Variants in NLRP3 observed in about 807,000 individuals in gnomAD.
NLRP3 encodes the protein NLR family pyrin domain containing 3.
Under a neutral mutation model 91.3 loss-of-function variants are expected in NLRP3, and 48 were observed. That is an observed-to-expected ratio of 0.53 (90% CI 0.42 to 0.67). NLRP3 has a LOEUF of 0.67. NLRP3 is among the 30% of genes least tolerant of loss of function. The pLI is 0.00. For missense variants in NLRP3, 982 were observed against 1,276.9 expected (o/e 0.77, Z 3.52); for synonymous variants, 561 against 507.9 (o/e 1.10, Z -1.41).
chr1:247,444,493 T>G (rs1664463584), intron 8 of NLRP3, among the ~76,000 whole-genome samples, 158 bp from the exon 9 acceptor site: 1 of 151,552 alleles, frequency 6.6e-6, no homozygotes, highest in Non-Finnish European at 1.5e-5. Context: ...GAGAGAAGAA[T>G]AATTACCAGC....
intron 6 of NLRP3, among the ~76,000 whole-genome samples, chr1:247,435,194 G>T (rs1014877907): frequency 8.5e-5 from 13 of 152,164 alleles, no homozygotes; most frequent in Admixed American, 7.8e-4. Flanking sequence ...GGGTTGCAGT[G>T]AGTCAAGATC....
At chr1:247,439,501 CTGTG>C (rs543757998) in intron 7 of NLRP3, among the ~76,000 whole-genome samples, 1 of 152,164 alleles carries the variant, frequency 6.6e-6, no homozygotes, top group African/African-American at 2.4e-5. Context: ...TTCCCTGTGT[CTGTG>C]TGTGTCTTTC....
At position 247,424,430 on chromosome 1, in the gene NLRP3, C is replaced by T. The variant is rs200940726; in HGVS notation, c.981C>T (p.Asp327=). 3 of 1,614,190 alleles carry T rather than the reference C, an allele frequency of 1.9e-6. No individual in the cohort carries two copies. Among genetic ancestry groups the T allele is most frequent in the East Asian group, 2.2e-5 (1 of 44,888 alleles). ...ACTGGCAGAAGGCCGAGCGGGGAGA[C>T]ATTCTCCTGAGCAGCCTCATCAGAA... ...CTDWQKAERG[D]ILLSSLIRKK... is the part of the protein sequence containing the mutation. Residue 327 remains aspartate (D), a synonymous_variant, in exon 4 of 10, where the codon GAC becomes GAT. Coordinates refer to ENST00000336119, the MANE Select transcript of NLRP3 (RefSeq NM_001243133.2). This position sits in a 1 kb window ranked among gnomAD's most constrained non-coding sequence, Gnocchi z 8.1.
At chr1:247,443,283 G>GTGGCAGCGCAATCA (rs981174264) in intron 7 of NLRP3, among the ~76,000 whole-genome samples, 3 of 152,150 alleles carry the variant, frequency 2.0e-5, no homozygotes, top group African/African-American at 7.2e-5. Flanking sequence ...AGGCTAGAGT[G>GTGGCAGCGCAATCA]TGGCAGCGCA....
chr1:247,446,428 C>T (rs1409734509), intron 9 of NLRP3, among the ~76,000 whole-genome samples: 1 of 152,242 alleles, frequency 6.6e-6, no homozygotes, highest in African/African-American at 2.4e-5. Context: ...CCATGCCCCA[C>T]ATAATCCAGC....
chr1:247,429,624 C>A lies in NLRP3; in HGVS notation c.2190C>A (p.Gly730=). ...NSHLTSSFCR[G]LFSVLSTSQS... The stretch of plus-strand genomic sequence containing the variant: ...ACCTCACTTCCAGTTTTTGCCGGGG[C>A]CTCTTTTCAGTTCTGAGCACCAGCC... The change falls in exon 5 of 10, where the codon GGC becomes GGA. Residue 730 remains glycine (G), a synonymous_variant. Coordinates refer to ENST00000336119, the MANE Select transcript of NLRP3 (RefSeq NM_001243133.2). 6.2e-7 allele frequency: 1 copy of A among 1,614,070 alleles called. No individual in the cohort carries two copies. Among genetic ancestry groups the A allele is most frequent in the East Asian group, 2.2e-5 (1 of 44,888 alleles).
At chr1:247,443,158 C>T (rs1045127271) in intron 7 of NLRP3, among the ~76,000 whole-genome samples, 10 of 152,070 alleles carry the variant, frequency 6.6e-5, no homozygotes, top group African/African-American at 1.9e-4. Context: ...CTCCTGACCT[C>T]GTGATCCACC....
In NLRP3 at chr1:247,425,674, C is replaced by A. The variant is rs1463307642; in HGVS notation, c.2150+75C>A. 2 of 1,329,228 alleles carry A rather than the reference C, an allele frequency of 1.5e-6. No homozygotes were observed. Among genetic ancestry groups the A allele is most frequent in the Admixed American group, 1.7e-5 (1 of 57,836 alleles). 82.3% of individuals were successfully genotyped at this position (1,329,228 alleles called of 1,614,324 possible). A position where few individuals can be genotyped will look rare whatever the true frequency, so the allele number is the denominator to read the frequency against. ...CTTCTTGGCGCTTGCCTCCTCTCAT[C>A]TCTTTTCAACTATCTTCCAAATACT... On this transcript the variant is annotated intron_variant, in intron 4 of 9. Transcript: ENST00000336119. This position sits in a 1 kb window ranked among gnomAD's most constrained non-coding sequence, Gnocchi z 4.1.
intron 8 of NLRP3, 112 bp downstream of exon 8, chr1:247,444,254 T>G (rs1371540247): frequency 8.8e-7 from 1 of 1,141,042 alleles, no homozygotes; most frequent in Non-Finnish European, 1.3e-6. Flanking sequence ...AGGTGTCTTC[T>G]TAGTGTTTGC....
At chr1:247,426,080 A>C (rs116857742) in intron 4 of NLRP3, among the ~76,000 whole-genome samples, 1 of 152,194 alleles carries the variant, frequency 6.6e-6, no homozygotes, top group South Asian at 2.1e-4. Flanking sequence ...ACCTGGGCGC[A>C]TAGAGAAGAA....
chr1:247,423,897 G>A lies in NLRP3; in HGVS notation c.448G>A (p.Glu150Lys). ...KYVRSRFQCI[E>K]DRNARLGESV... is the part of the protein sequence containing the mutation. Reference sequence around the variant, plus strand: ...CGTGAGAAGCAGATTCCAGTGCATTGAAGACAGGAATGCCCGTCTGGGTGA... The same window carrying A: ...CGTGAGAAGCAGATTCCAGTGCATTAAAGACAGGAATGCCCGTCTGGGTGA... The change falls in exon 4 of 10, where the codon GAA (glutamate) becomes AAA (lysine). Residue 150 changes from glutamate to lysine, a missense_variant. Physicochemically the swap from Glu to Lys is moderately conservative, Grantham distance 56 (BLOSUM62 1). Around this residue, in one of 5 missense-constraint regions of NLRP3, gnomAD observed 548 missense variants for 713.7 expected, o/e 0.77. Coordinates refer to ENST00000336119, the MANE Select transcript of NLRP3 (RefSeq NM_001243133.2). 1 of 1,613,998 alleles carries A rather than the reference G, an allele frequency of 6.2e-7. No individual in the cohort carries two copies. Among genetic ancestry groups the A allele is most frequent in the Non-Finnish European group, 8.5e-7 (1 of 1,179,964 alleles).
At chr1:247,421,447 C>T (rs78021268) in intron 2 of NLRP3, among the ~76,000 whole-genome samples, 3,300 of 152,278 alleles carry the variant, frequency 0.022, 117 homozygotes, top group African/African-American at 0.075. Context: ...ATAGGGAGAC[C>T]TCATCTCTAA....
At chr1:247,441,151 C>G (rs954641929) in intron 7 of NLRP3, among the ~76,000 whole-genome samples, 8 of 149,100 alleles carry the variant, frequency 5.4e-5, no homozygotes, top group African/African-American at 2.0e-4. Flanking sequence ...TTCTTTCTCT[C>G]TCTCTCTCTT....
At chr1:247,444,875 G>A (rs571284443) in intron 9 of NLRP3, 54 bp downstream of exon 9, 24 of 1,579,202 alleles carry the variant, frequency 1.5e-5, no homozygotes, top group South Asian at 7.8e-5. Context: ...CTCAGGAAAC[G>A]TTGACTGTTA....
At chr1:247,422,093 T>C (rs1476664510) in intron 2 of NLRP3, among the ~76,000 whole-genome samples, 1 of 152,198 alleles carries the variant, frequency 6.6e-6, no homozygotes, top group Non-Finnish European at 1.5e-5. Context: ...AGAGGTCTTT[T>C]ATGGGCTGGG....
rs775961447 is a variant in NLRP3 at position 247,419,039 on chromosome 1, AC to A, written c.241del (p.Leu81PhefsTer24). 1 of 1,613,194 alleles carries A rather than the reference AC, an allele frequency of 6.2e-7. No homozygotes were observed. The highest frequency in any genetic ancestry group is 8.5e-7 in the Non-Finnish European group (1 of 1,180,020). The part of the protein sequence containing the change: ...VWIFAAINRR[D>X]LYEKAKRDEP... Reference sequence around the variant, plus strand: ...ATCTTCGCTGCGATCAACAGGAGAGACCTTTATGAGAAAGCAAAAAGAGATG... The same window carrying A: ...ATCTTCGCTGCGATCAACAGGAGAGACTTTATGAGAAAGCAAAAAGAGATG... On this transcript the variant is annotated frameshift_variant, in exon 2 of 10. Transcript: ENST00000336119. LOFTEE classifies it high-confidence loss of function.
At chr1:247,417,818 A>G (rs1662164009) in intron 1 of NLRP3, among the ~76,000 whole-genome samples, 1 of 152,046 alleles carries the variant, frequency 6.6e-6, no homozygotes, top group African/African-American at 2.4e-5. Context: ...TCTCACTTCA[A>G]TCCACTGGTT....
At chr1:247,447,270 G>A (rs894741061) in intron 9 of NLRP3, among the ~76,000 whole-genome samples, 3 of 152,140 alleles carry the variant, frequency 2.0e-5, no homozygotes, top group African/African-American at 7.2e-5. Context: ...GTGATTGCAT[G>A]GAGGGAGGGG....
At chr1:247,419,444 C>T (rs999735289) in intron 2 of NLRP3, among the ~76,000 whole-genome samples, 6 of 152,072 alleles carry the variant, frequency 3.9e-5, no homozygotes, top group Admixed American at 2.0e-4. Context: ...TGTGAGCCAC[C>T]GCGCCCGGCC....
Sources: allele counts gnomAD v4.1 joint callset (sites outside exome capture counted in the v4.1 genomes callset), GRCh38; gene constraint gnomAD v4.1.1; regional missense constraint gnomAD v4.1.1; non-coding constraint Gnocchi (gnomAD v3.1); transcripts MANE v1.5; gene names NCBI Gene and HGNC (gene_info 2026-07-23, HGNC 2026-07-21).